Variants in RBFOX1 observed in about 807,000 individuals in gnomAD.
RBFOX1 encodes the protein RNA binding protein fox-1 homolog 1.
A neutral mutation model predicts 57.7 loss-of-function variants in RBFOX1; 8 were observed. The ratio of observed to expected loss-of-function variants is 0.14; its 90% CI spans 0.08 to 0.25. The LOEUF (loss-of-function observed/expected upper bound fraction) is 0.25, where lower values mean the gene tolerates loss of function less well. Ranked by LOEUF, RBFOX1 falls within the 10% of genes least tolerant of loss-of-function variation. The pLI is 1.00. For synonymous variants in RBFOX1, 326 were observed against 222.4 expected, an observed-to-expected ratio of 1.47 and a Z score of -4.15; for missense variants, 611 against 548.5, an observed-to-expected ratio of 1.11 and a Z score of -1.14.
At chr16:7,590,362 T>C (rs2094378752) in intron 7 of RBFOX1, among the ~76,000 whole-genome samples, 1 of 151,982 alleles carries the variant, frequency 6.6e-6, no homozygotes, top group Non-Finnish European at 1.5e-5. Context: ...CTCAAGTATT[T>C]AATGTATGGG....
At chr16:6,616,215 TAATA>T (rs2098138764) in intron 2 of RBFOX1, among the ~76,000 whole-genome samples, 1 of 152,206 alleles carries the variant, frequency 6.6e-6, no homozygotes, top group South Asian at 2.1e-4. Flanking sequence ...AAACAGTGAA[TAATA>T]AATGAATGTC....
intron 3 of RBFOX1, among the ~76,000 whole-genome samples, chr16:6,981,719 G>T (rs895195094): frequency 5.3e-5 from 8 of 152,068 alleles, no homozygotes; most frequent in Non-Finnish European, 1.2e-4. Context: ...AGTATCCTGA[G>T]AACAGCACAT....
At chr16:6,523,976 C>T (rs927543828) in intron 2 of RBFOX1, among the ~76,000 whole-genome samples, 1 of 152,060 alleles carries the variant, frequency 6.6e-6, no homozygotes, top group Non-Finnish European at 1.5e-5. Flanking sequence ...GGTCTTCATC[C>T]CTCATGCATT....
At chr16:5,481,415 G>C (rs1243017543) in intron 2 of RBFOX1, among the ~76,000 whole-genome samples, 1 of 152,194 alleles carries the variant, frequency 6.6e-6, no homozygotes, top group Non-Finnish European at 1.5e-5. Context: ...AATACCATTT[G>C]AATTGTCTAA....
chr16:6,962,146 G>T (rs896105402), intron 3 of RBFOX1, among the ~76,000 whole-genome samples: 1 of 152,140 alleles, frequency 6.6e-6, no homozygotes, highest in African/African-American at 2.4e-5. Context: ...CTTGATAGGA[G>T]AATCCCTCCT....
rs952614425 is a variant in RBFOX1 at position 6,958,222 on chromosome 16, G to A, written c.-15-93835G>A. On this transcript the variant is annotated intron_variant, in intron 3 of 15. Coordinates refer to ENST00000550418, the MANE Select transcript of RBFOX1 (RefSeq NM_018723.4). ...AGCATTTTTTCCAGTAAGCTTGGCC[G>A]TCTTTGCTGAGCCCTGCACGATGCA... Among the ~76,000 whole-genome samples, 10 of 152,184 alleles carry A rather than the reference G, an allele frequency of 6.6e-5. No homozygotes were observed. In the East Asian group the frequency reaches 1.3e-3, roughly 21 times the overall value.
intron 2 of RBFOX1, among the ~76,000 whole-genome samples, chr16:5,593,222 T>C (rs1266939537): frequency 6.6e-6 from 1 of 152,006 alleles, no homozygotes; most frequent in Admixed American, 6.6e-5. Context: ...ACCATCATTC[T>C]CAGCAAACTA....
chr16:7,400,214 G>T (rs944312079), intron 4 of RBFOX1, among the ~76,000 whole-genome samples: 1 of 152,074 alleles, frequency 6.6e-6, no homozygotes, highest in South Asian at 2.1e-4. Flanking sequence ...AATCTCCTGG[G>T]GTTGTTAAAA....
At position 7,119,128 on chromosome 16, in the gene RBFOX1, G is replaced by A. The variant is rs931266850; in HGVS notation, c.27+67030G>A. Among the ~76,000 whole-genome samples the A allele has an allele frequency of 2.6e-5, 4 of 152,250 alleles. No homozygotes were observed. The South Asian group carries it at 6.2e-4, about 24-fold the overall frequency. The stretch of plus-strand genomic sequence containing the variant: ...TCTAGGCAAGTGTTGCAATGTATGT[G>A]TGCTCTTGATCTGAGGAAGACCATG... On this transcript the variant is annotated intron_variant, in intron 4 of 15. Coordinates refer to ENST00000550418, the MANE Select transcript of RBFOX1 (RefSeq NM_018723.4).
chr16:7,599,559 G>C (rs530190687), intron 9 of RBFOX1, among the ~76,000 whole-genome samples: 1 of 150,836 alleles, frequency 6.6e-6, no homozygotes, highest in South Asian at 2.1e-4. Flanking sequence ...CACAAATGAA[G>C]TCCTATAAAG....
intron 4 of RBFOX1, among the ~76,000 whole-genome samples, chr16:7,167,559 G>C (rs999262820): frequency 6.6e-6 from 1 of 152,130 alleles, no homozygotes; most frequent in Non-Finnish European, 1.5e-5. Flanking sequence ...GACCCCGCCA[G>C]TACCTTGCTT....
intron 4 of RBFOX1, among the ~76,000 whole-genome samples, chr16:5,976,892 TA>T (rs2060074520): frequency 6.6e-6 from 1 of 152,110 alleles, no homozygotes; most frequent in African/African-American, 2.4e-5. Context: ...AAGGTCTTGC[TA>T]AAGATGATAA....
chr16:7,432,012 C>T (rs974087261), intron 4 of RBFOX1, among the ~76,000 whole-genome samples: 14 of 152,180 alleles, frequency 9.2e-5, no homozygotes, highest in Admixed American at 3.3e-4. Flanking sequence ...CTAGAAGGTC[C>T]GCTCCTTCCA....
At chr16:5,444,346 AAATTTC>A (rs2151547243) in intron 1 of RBFOX1, among the ~76,000 whole-genome samples, 1 of 152,330 alleles carries the variant, frequency 6.6e-6, no homozygotes, top group East Asian at 1.9e-4. Context: ...AGTGGGTCAT[AAATTTC>A]ACCCAGTTCC....
intron 3 of RBFOX1, among the ~76,000 whole-genome samples, chr16:5,664,140 G>A (rs1433595213): frequency 2.0e-5 from 3 of 152,228 alleles, no homozygotes; most frequent in Admixed American, 6.5e-5. Flanking sequence ...CTTCATCCAT[G>A]TGTTGTTTCT....
intron 1 of RBFOX1, among the ~76,000 whole-genome samples, chr16:6,299,944 C>T (rs183873784): frequency 4.7e-4 from 71 of 152,292 alleles, no homozygotes; most frequent in Non-Finnish European, 9.1e-4. Flanking sequence ...CCAGAACCTA[C>T]AGTTAAAATA....
chr16:6,513,238 G>A (rs1207408403), intron 2 of RBFOX1, among the ~76,000 whole-genome samples: 1 of 152,208 alleles, frequency 6.6e-6, no homozygotes, highest in Non-Finnish European at 1.5e-5. Context: ...ATGAGTTAGT[G>A]AATGCTGGGC....
intron 1 of RBFOX1, among the ~76,000 whole-genome samples, chr16:5,295,141 G>C (rs920071217): frequency 6.6e-6 from 1 of 151,850 alleles, no homozygotes; most frequent in African/African-American, 2.4e-5. Context: ...TATGTAGCTG[G>C]GGTCACATGC....
intron 4 of RBFOX1, among the ~76,000 whole-genome samples, chr16:7,284,942 GA>G (rs1166947951): frequency 6.6e-6 from 1 of 151,860 alleles, no homozygotes; most frequent in Admixed American, 6.6e-5. Flanking sequence ...TCCTTTTCTG[GA>G]ACATTTTCCC....
Sources: gnomAD v4.1 joint callset for allele counts (sites outside exome capture counted in the v4.1 genomes callset) on GRCh38, gnomAD v4.1.1 for gene constraint, MANE v1.5 for transcripts, NCBI Gene and HGNC (gene_info 2026-07-23, HGNC 2026-07-21) for gene names.